The following ABI1 variants were observed in gnomAD, a reference collection of about 807,000 sequenced individuals.
ABI1 encodes the protein Abelson interactor 1.
In ABI1, 14 loss-of-function variants were observed where a neutral mutation model predicts 54.6. The observed-to-expected ratio is 0.26, with a 90% CI of 0.17 to 0.40. ABI1 has a LOEUF of 0.40. Ranked by LOEUF, ABI1 falls within the 10% of genes least tolerant of loss-of-function variation. ABI1 has a pLI of 1.00. For synonymous variants in ABI1, 194 were observed against 209.3 expected (o/e 0.93, Z 0.63); for missense variants, 443 against 598.3 (o/e 0.74, Z 2.71).
intron 7 of ABI1, among the ~76,000 whole-genome samples, chr10:26,761,609 GT>G (rs1388988240): frequency 1.3e-5 from 1 of 77,422 alleles, no homozygotes; most frequent in Non-Finnish European, 2.4e-5. Flanking sequence ...TCTGTAAATA[GT>G]TTTTGTCATA....
chr10:26,794,887 T>C (rs1843939632), intron 2 of ABI1, among the ~76,000 whole-genome samples: 1 of 152,192 alleles, frequency 6.6e-6, no homozygotes, highest in Non-Finnish European at 1.5e-5. Context: ...CTCATGCCTG[T>C]AATCCCAGCA....
chr10:26,852,731 A>G (rs1239281450), intron 1 of ABI1, among the ~76,000 whole-genome samples: 1 of 152,228 alleles, frequency 6.6e-6, no homozygotes, highest in Non-Finnish European at 1.5e-5. Flanking sequence ...TAAAGCATTC[A>G]GGAAATGAGT....
chr10:26,774,542 C>G (rs1841136420), intron 3 of ABI1, among the ~76,000 whole-genome samples: 1 of 152,070 alleles, frequency 6.6e-6, no homozygotes, highest in Non-Finnish European at 1.5e-5. Flanking sequence ...TTCTCTTATA[C>G]ATATCTTATT....
chr10:26,751,158 A>AT (rs1837574754), intron 10 of ABI1, among the ~76,000 whole-genome samples: 1 of 152,214 alleles, frequency 6.6e-6, no homozygotes, highest in Non-Finnish European at 1.5e-5. Context: ...TACTGAATGC[A>AT]TATCATTTTT....
intron 2 of ABI1, among the ~76,000 whole-genome samples, chr10:26,818,309 G>A (rs1403490149): frequency 6.7e-6 from 1 of 149,966 alleles, no homozygotes; most frequent in African/African-American, 2.5e-5. Flanking sequence ...CTCATTCAAA[G>A]CTAGTTGCTT....
Position 26,823,172 on chromosome 10 carries a change from C to T in ABI1, c.251G>A (p.Arg84Gln). 2.5e-6 allele frequency: 4 copies of T among 1,597,934 alleles called. No individual in the cohort carries two copies. Among genetic ancestry groups the T allele is most frequent in the Non-Finnish European group, 1.7e-6 (2 of 1,175,312 alleles). ...ATGATTGATGGAAGACTCCATTCTC[C>T]GAAGCTGAGAGGCTTGGATATCCAG... ...QLLDIQASQL[R>Q]RMESSINHIS... Residue 84 changes from arginine (R) to glutamine (Q), a missense_variant, in exon 2 of 11, where the codon CGG becomes CAG. By Grantham distance (43) the Arg-to-Gln change is conservative. Coordinates refer to ENST00000376140, the MANE Select transcript of ABI1 (RefSeq NM_001012750.3).
Position 26,747,218 on chromosome 10 carries a change from C to A in ABI1, c.*1352G>T. On this transcript the variant is annotated 3_prime_UTR_variant, in exon 11 of 11. Coordinates refer to ENST00000376140, the MANE Select transcript of ABI1 (RefSeq NM_001012750.3). Reference sequence around the variant, plus strand: ...ACAAATCCTCAATAACACAGAAACCCACACTTGAGTGCTCTACTTTAATAT... The same window carrying A: ...ACAAATCCTCAATAACACAGAAACCAACACTTGAGTGCTCTACTTTAATAT... The A allele has an allele frequency of 4.4e-6, 1 of 224,980 alleles. No individual in the cohort carries two copies. The highest frequency in any genetic ancestry group is 8.9e-6 in the Non-Finnish European group (1 of 112,940). The allele number at this position is 224,980 out of a possible 1,614,324, so 13.9% of individuals were successfully genotyped here. A position where few individuals can be genotyped will look rare whatever the true frequency, so the allele number is the denominator to read the frequency against.
intron 2 of ABI1, among the ~76,000 whole-genome samples, chr10:26,783,978 G>A (rs577691584): frequency 2.6e-5 from 4 of 152,134 alleles, no homozygotes; most frequent in Non-Finnish European, 5.9e-5. Flanking sequence ...GCTAGCTACT[G>A]GAATGGGACA....
intron 2 of ABI1, chr10:26,788,886 C>T (rs1966968): frequency 7.5e-6 from 1 of 133,004 alleles, no homozygotes; most frequent in Admixed American, 9.3e-5. Context: ...GCACTCCAGC[C>T]TGGGCAACAG....
intron 1 of ABI1, among the ~76,000 whole-genome samples, chr10:26,844,363 C>T (rs533276105): frequency 4.7e-4 from 71 of 152,238 alleles, no homozygotes; most frequent in African/African-American, 1.5e-3. Context: ...TTTCAACCCA[C>T]GTCATATGTA....
intron 2 of ABI1, among the ~76,000 whole-genome samples, chr10:26,818,631 CAA>C (rs376157276): frequency 1.8e-4 from 13 of 73,072 alleles, no homozygotes; most frequent in African/African-American, 2.2e-4. Context: ...GACCCCGTCA[CAA>C]AAAAAAAAAA....
intron 2 of ABI1, among the ~76,000 whole-genome samples, chr10:26,791,782 T>C (rs1455401203): frequency 6.6e-6 from 1 of 152,110 alleles, no homozygotes; most frequent in Admixed American, 6.6e-5. Context: ...AGCAACTATT[T>C]TGCCATATAG....
Position 26,751,736 on chromosome 10 carries a change from G to C in ABI1, c.1132C>G (p.Pro378Ala). The C allele has an allele frequency of 1.9e-6, 3 of 1,613,618 alleles. No individual in the cohort carries two copies. The highest frequency in any genetic ancestry group is 2.5e-6 in the Non-Finnish European group (3 of 1,179,818). ...GGAGGTGGAGAGTCATCAAACATGG[G>C]AATGTCATCTGGTGGAGGTGGTGGC... ...PPPPPPPDDI[P>A]MFDDSPPPPP... is the part of the protein sequence containing the mutation. Residue 378 changes from proline to alanine, a missense_variant, in exon 10 of 11, where the codon CCC becomes GCC. Transcript: ENST00000376140.
At chr10:26,834,695 G>C (rs1242591782) in intron 1 of ABI1, among the ~76,000 whole-genome samples, 1 of 151,768 alleles carries the variant, frequency 6.6e-6, no homozygotes, top group African/African-American at 2.4e-5. Flanking sequence ...GACCAGGCAC[G>C]GTGGCTCACG....
At chr10:26,793,052 T>C (rs1000540017) in intron 2 of ABI1, among the ~76,000 whole-genome samples, 21 of 152,312 alleles carry the variant, frequency 1.4e-4, no homozygotes, top group Admixed American at 9.1e-4. Flanking sequence ...TCCTCACAAC[T>C]GCCACTGCTA....
At chr10:26,828,789 G>A (rs1450444835) in intron 1 of ABI1, among the ~76,000 whole-genome samples, 3 of 152,146 alleles carry the variant, frequency 2.0e-5, no homozygotes, top group East Asian at 1.9e-4. Context: ...AATTATTACC[G>A]ATACTGTTAT....
intron 8 of ABI1, among the ~76,000 whole-genome samples, chr10:26,756,391 A>C (rs892089110): frequency 6.6e-6 from 1 of 152,118 alleles, no homozygotes; most frequent in Non-Finnish European, 1.5e-5. Context: ...ATCAGTCCTA[A>C]ATTTACAAGG....
intron 2 of ABI1, among the ~76,000 whole-genome samples, chr10:26,810,905 G>A (rs559330044): frequency 6.6e-6 from 1 of 152,156 alleles, no homozygotes; most frequent in South Asian, 2.1e-4. Context: ...AAAAAGTAAG[G>A]GGGTAGGGAA....
intron 2 of ABI1, among the ~76,000 whole-genome samples, chr10:26,787,017 T>C (rs571949318): frequency 6.6e-6 from 1 of 152,366 alleles, no homozygotes; most frequent in East Asian, 1.9e-4. Flanking sequence ...AAGTCAGACA[T>C]CTAGCATTTA....
Sources: allele counts gnomAD v4.1 joint callset (sites outside exome capture counted in the v4.1 genomes callset), GRCh38; gene constraint gnomAD v4.1.1; transcripts MANE v1.5; gene names NCBI Gene and HGNC (gene_info 2026-07-23, HGNC 2026-07-21).